GLB1: variants seen among roughly 807,000 people sequenced by gnomAD.
GLB1 encodes the protein galactosidase beta 1.
A neutral mutation model predicts 74.0 loss-of-function variants in GLB1; 56 were observed. The observed-to-expected ratio is 0.76, with a 90% CI of 0.61 to 0.94. GLB1 has a LOEUF of 0.94. GLB1 is among the 40% of genes least tolerant of loss of function. The pLI is 0.00. For missense variants in GLB1, 787 were observed against 845.5 expected (o/e 0.93, Z 0.86); for synonymous variants, 323 against 323.6 (o/e 1.00, Z 0.02).
the GLB1 span, among the ~76,000 whole-genome samples, chr3:32,961,753 A>G: frequency 2.6e-5 from 4 of 152,262 alleles, no homozygotes; most frequent in Admixed American, 2.6e-4. Flanking sequence ...TTTCATTATC[A>G]TGATAAAATA....
At chr3:32,978,265 G>T in the GLB1 span, among the ~76,000 whole-genome samples, 1 of 152,184 alleles carries the variant, frequency 6.6e-6, no homozygotes, top group Non-Finnish European at 1.5e-5. Context: ...CAAACTGATT[G>T]TGAGATTCTT....
At chr3:33,036,337 T>G (rs7645956) in intron 10 of GLB1, among the ~76,000 whole-genome samples, 2,613 of 152,148 alleles carry the variant, frequency 0.017, 83 homozygotes, top group African/African-American at 0.059. Context: ...TAGCTAGAAG[T>G]ATGAGAGAAT....
downstream of GLB1, among the ~76,000 whole-genome samples, chr3:32,993,431 C>T (rs1426562884): frequency 6.6e-6 from 1 of 151,766 alleles, no homozygotes; most frequent in Non-Finnish European, 1.5e-5. Context: ...TCTCAGCTCA[C>T]TGCAACCTCT....
intron 6 of GLB1, among the ~76,000 whole-genome samples, chr3:33,057,867 G>C (rs938596934): frequency 6.6e-6 from 1 of 152,202 alleles, no homozygotes; most frequent in African/African-American, 2.4e-5. Flanking sequence ...TTCCAGGCTA[G>C]CTCCACCAGT....
intron 15 of GLB1, among the ~76,000 whole-genome samples, chr3:32,998,204 T>C (rs1414520785): frequency 6.6e-6 from 1 of 152,234 alleles, no homozygotes; most frequent in Non-Finnish European, 1.5e-5. Context: ...CCTCTCTGTA[T>C]GTGCTAAAAT....
chr3:32,983,014 C>A, the GLB1 span, among the ~76,000 whole-genome samples: 3 of 152,108 alleles, frequency 2.0e-5, no homozygotes, highest in African/African-American at 7.2e-5. Context: ...AGACTATCCT[C>A]TGGCTGCTTT....
At chr3:33,000,900 T>C (rs1330668514) in intron 15 of GLB1, among the ~76,000 whole-genome samples, 1 of 152,202 alleles carries the variant, frequency 6.6e-6, no homozygotes, top group Non-Finnish European at 1.5e-5. Context: ...CATAAATCAA[T>C]GTTGTCTTAG....
intron 6 of GLB1, among the ~76,000 whole-genome samples, chr3:33,054,043 A>T (rs866259257): frequency 7.9e-5 from 12 of 151,894 alleles, no homozygotes; most frequent in African/African-American, 2.9e-4. Flanking sequence ...AAAAAATAAT[A>T]ATAATAAATA....
chr3:33,023,186 G>T lies in GLB1; in HGVS notation c.1143+1065C>A, dbSNP rs1327555364. 2.0e-5 allele frequency among the ~76,000 whole-genome samples: 3 copies of T among 152,152 alleles called. No homozygotes were observed. The East Asian group carries it at 5.8e-4, about 29-fold the overall frequency. On this transcript the variant is annotated intron_variant, in intron 11 of 15. Transcript: ENST00000307363. ...CTAGCTTGGTTTTAGCAATGTTGTT[G>T]TTTTGAACATTTGGAGCTATTTTCT...
intron 11 of GLB1, among the ~76,000 whole-genome samples, chr3:33,023,061 T>C (rs1433763540): frequency 6.6e-6 from 1 of 152,236 alleles, no homozygotes; most frequent in Non-Finnish European, 1.5e-5. Context: ...TATATGCTGA[T>C]TTGCTATCTT....
At chr3:33,068,313 T>G in intron 3 of GLB1, 23 bp from the exon 4 acceptor site, 1 of 1,613,914 alleles carries the variant, frequency 6.2e-7, no homozygotes, top group Non-Finnish European at 8.5e-7. Context: ...AAACAAGCCA[T>G]TATAATGTCT....
intron 10 of GLB1, among the ~76,000 whole-genome samples, chr3:33,027,288 A>G (rs558029097): frequency 2.0e-5 from 3 of 152,390 alleles, no homozygotes; most frequent in South Asian, 2.1e-4. Flanking sequence ...CAGCAGCAGC[A>G]GCCAGCGTGT....
chr3:32,977,208 A>AC, the GLB1 span, among the ~76,000 whole-genome samples: 1 of 140,140 alleles, frequency 7.1e-6, no homozygotes, highest in Non-Finnish European at 1.5e-5. Flanking sequence ...CCTCATCTAG[A>AC]TTTTTTTTTT....
intron 1 of GLB1, chr3:33,092,011 G>A: frequency 1.0e-6 from 1 of 984,446 alleles, no homozygotes; most frequent in Non-Finnish European, 1.2e-6. Flanking sequence ...CTTTGCCTTG[G>A]TTTCCTTATC....
intron 10 of GLB1, among the ~76,000 whole-genome samples, chr3:33,036,789 C>A (rs1698296894): frequency 6.6e-6 from 1 of 151,958 alleles, no homozygotes. Context: ...TTTTATGATG[C>A]CACTTATATG....
intron 10 of GLB1, among the ~76,000 whole-genome samples, chr3:33,026,947 C>T (rs1697789265): frequency 6.6e-6 from 1 of 152,178 alleles, no homozygotes; most frequent in African/African-American, 2.4e-5. Context: ...CTCATTCTTC[C>T]TGGATGTAGG....
chr3:33,027,543 G>A (rs1379214914), intron 10 of GLB1, among the ~76,000 whole-genome samples: 2 of 152,222 alleles, frequency 1.3e-5, no homozygotes, highest in African/African-American at 4.8e-5. Flanking sequence ...AGCACTTTGG[G>A]AGGCCGAGGC....
intron 1 of GLB1, among the ~76,000 whole-genome samples, chr3:33,080,521 T>C (rs3924696): frequency 0.22 from 32,872 of 152,154 alleles, 5,630 homozygotes; most frequent in African/African-American, 0.46. Flanking sequence ...ACTGGGGGAA[T>C]GGGTTCAGCC....
At chr3:33,094,171 G>A in intron 1 of GLB1, 1 of 1,607,240 alleles carries the variant, frequency 6.2e-7, no homozygotes, top group Non-Finnish European at 8.5e-7. Context: ...TTCGCGCCTA[G>A]GGACAGCTGC....
Sources: allele counts gnomAD v4.1 joint callset (sites outside exome capture counted in the v4.1 genomes callset), GRCh38; gene constraint gnomAD v4.1.1; transcripts MANE v1.5; gene names NCBI Gene and HGNC (gene_info 2026-07-23, HGNC 2026-07-21).